KDM7A: variants seen among roughly 807,000 people sequenced by gnomAD.
KDM7A encodes lysine demethylase 7A.
KDM7A carries 28 observed loss-of-function variants against 114.8 expected under a neutral mutation model. That is an observed-to-expected ratio of 0.24 (90% confidence interval 0.18 to 0.33). The LOEUF (loss-of-function observed/expected upper bound fraction) is 0.33, where lower values mean the gene tolerates loss of function less well. KDM7A is among the 10% of genes least tolerant of loss of function. The pLI, the probability that KDM7A is intolerant of heterozygous loss-of-function variation, is 1.00. For missense variants in KDM7A, 942 were observed against 1,142.5 expected (o/e 0.82, Z 2.53); for synonymous variants, 423 against 397.8 (o/e 1.06, Z -0.75).
chr7:140,123,799 C>T (rs999881452), intron 7 of KDM7A, among the ~76,000 whole-genome samples: 3 of 152,164 alleles, frequency 2.0e-5, no homozygotes, highest in Non-Finnish European at 2.9e-5. Flanking sequence ...AATAGTATGC[C>T]GGCCGGGCGT....
chr7:140,101,993 T>C lies in KDM7A; in HGVS notation c.1596A>G (p.Thr532=), dbSNP rs748945105. 5 of 1,613,838 alleles carry C rather than the reference T, an allele frequency of 3.1e-6. No individual in the cohort carries two copies. The Admixed American group carries it at 5.0e-5, about 16-fold the overall frequency. ...TCTCTAATCTTTTGAGGACCTCCCTTGTGTGGAGCTCTAGGATGTCTAGGT... is the reference window on the plus strand; with the variant it reads ...TCTCTAATCTTTTGAGGACCTCCCTCGTGTGGAGCTCTAGGATGTCTAGGT... The part of the protein sequence containing the change: ...PSNLDILELH[T]REVLKRLEMC... The change falls in exon 12 of 20, where the codon ACA becomes ACG. Residue 532 remains threonine, a synonymous_variant. Coordinates refer to ENST00000397560, the MANE Select transcript of KDM7A (RefSeq NM_030647.2).
intron 9 of KDM7A, among the ~76,000 whole-genome samples, chr7:140,115,741 C>T (rs1298471514): frequency 1.3e-5 from 2 of 151,202 alleles, no homozygotes; most frequent in East Asian, 3.9e-4. Flanking sequence ...ACTATTGTCC[C>T]ATGACCCTGC....
chr7:140,118,435 A>G (rs1158155168), intron 9 of KDM7A, among the ~76,000 whole-genome samples: 1 of 150,430 alleles, frequency 6.6e-6, no homozygotes, highest in Non-Finnish European at 1.5e-5. Context: ...TTTTTTTTGG[A>G]GATGGAGTTT....
At chr7:140,171,546 AATATATATTTATTTTTATATATTTATAT>A (rs1794639972) in intron 1 of KDM7A, among the ~76,000 whole-genome samples, 1 of 137,860 alleles carries the variant, frequency 7.3e-6, no homozygotes, top group African/African-American at 2.7e-5. Context: ...TATATTTATA[AATATATATTTATTTTTATATATTTATAT>A]ATATATATTT....
At chr7:140,167,520 A>G (rs1042030936) in intron 1 of KDM7A, among the ~76,000 whole-genome samples, 2 of 152,192 alleles carry the variant, frequency 1.3e-5, no homozygotes, top group African/African-American at 4.8e-5. Context: ...ACTGGGACAA[A>G]TGGACATTTC....
intron 9 of KDM7A, among the ~76,000 whole-genome samples, chr7:140,116,354 CACAA>C (rs1164789576): frequency 6.6e-6 from 1 of 152,078 alleles, no homozygotes; most frequent in African/African-American, 2.4e-5. Flanking sequence ...GGATGAATCT[CACAA>C]ACAATGCTGA....
chr7:140,088,608 GACCAGGAGTC>G lies in KDM7A; in HGVS notation c.*2476_*2485del. On this transcript the variant is annotated 3_prime_UTR_variant, in exon 20 of 20. Transcript: ENST00000397560. The stretch of plus-strand genomic sequence containing the variant: ...TGGCCAGTAATGTTATAAGACGTTT[GACCAGGAGTC>G]ACTGGATCAGTGGCCGAATTTTCAC... 1 of 397,546 alleles carries G rather than the reference GACCAGGAGTC, an allele frequency of 2.5e-6. No individual in the cohort carries two copies. The highest frequency in any genetic ancestry group is 4.4e-6 in the Non-Finnish European group (1 of 225,340). The allele number at this position is 397,546 out of a possible 1,614,324, so 24.6% of individuals were successfully genotyped here.
chr7:140,124,084 AAG>A (rs1433377081), intron 7 of KDM7A, among the ~76,000 whole-genome samples: 1 of 127,500 alleles, frequency 7.8e-6, no homozygotes, highest in African/African-American at 3.0e-5. Context: ...AAAAAAAAAA[AAG>A]TAAGAAAATA....
Position 140,139,126 on chromosome 7 carries a change from C to T in KDM7A, c.259G>A (p.Val87Ile), listed in dbSNP as rs1818914691. 1 of 1,612,078 alleles carries T rather than the reference C, an allele frequency of 6.2e-7. No individual in the cohort carries two copies. The highest frequency in any genetic ancestry group is 1.1e-5 in the South Asian group (1 of 91,006). The change falls in exon 2 of 20, where the codon GTT becomes ATT. Residue 87 changes from valine to isoleucine, a missense_variant. Around this residue, in one of 4 missense-constraint regions of KDM7A, gnomAD observed 318 missense variants for 453.1 expected, o/e 0.70. Transcript: ENST00000397560. Reference sequence around the variant, plus strand: ...TTACTCAAGGAGGAACCATGTAAAACTGCACAGTTGGGACAGTGATACAGG... The same window carrying T: ...TTACTCAAGGAGGAACCATGTAAAATTGCACAGTTGGGACAGTGATACAGG... ...IDLYHCPNCA[V>I]LHGSSLMKKR...
chr7:140,148,322 A>G (rs1260362666), intron 1 of KDM7A, among the ~76,000 whole-genome samples: 1 of 152,136 alleles, frequency 6.6e-6, no homozygotes, highest in Non-Finnish European at 1.5e-5. Flanking sequence ...CCTGTGTTAG[A>G]ATCCCAGCTA....
chr7:140,161,912 T>C (rs1794523828), intron 1 of KDM7A, among the ~76,000 whole-genome samples: 2 of 152,234 alleles, frequency 1.3e-5, no homozygotes, highest in African/African-American at 4.8e-5. Context: ...TCCAGTTTCT[T>C]TGTGAAACAG....
chr7:140,091,817 G>A lies in KDM7A; in HGVS notation c.2718C>T (p.Asn906=), dbSNP rs774327491. Residue 906 remains asparagine, a synonymous_variant, in exon 19 of 20, where the codon AAC becomes AAT. Coordinates refer to ENST00000397560, the MANE Select transcript of KDM7A (RefSeq NM_030647.2). ...TGTGAAAGTTACCTTTTGTTGCCTGGTTGCTGATAGGTGGTGGATTTGATG... is the reference window on the plus strand; with the variant it reads ...TGTGAAAGTTACCTTTTGTTGCCTGATTGCTGATAGGTGGTGGATTTGATG... ...RPASNPPPIS[N]QATKGKRPKK... is the part of the protein sequence containing the mutation. 22 of 1,611,014 alleles carry A rather than the reference G, an allele frequency of 1.4e-5. No homozygotes were observed. The highest frequency in any genetic ancestry group is 1.9e-5 in the Non-Finnish European group (22 of 1,179,278).
At chr7:140,173,718 C>A (rs1794671253) in intron 1 of KDM7A, among the ~76,000 whole-genome samples, 1 of 152,024 alleles carries the variant, frequency 6.6e-6, no homozygotes, top group African/African-American at 2.4e-5. Flanking sequence ...GGGGTCAATT[C>A]TCATGGAAGC....
At chr7:140,168,663 GA>G (rs1794605016) in intron 1 of KDM7A, among the ~76,000 whole-genome samples, 1 of 152,024 alleles carries the variant, frequency 6.6e-6, no homozygotes, top group South Asian at 2.1e-4. Flanking sequence ...AAAGTCAGGT[GA>G]AAAGAATTGA....
chr7:140,099,066 G>A (rs202058407), intron 13 of KDM7A, 33 bp from the exon 14 acceptor site: 127 of 1,542,642 alleles, frequency 8.2e-5, no homozygotes, highest in Non-Finnish European at 1.1e-4. Flanking sequence ...TCAGAATATA[G>A]TGCAAGACTC....
rs1270952536 is a variant in KDM7A, at chr7:140,176,769, T to C, written c.169A>G (p.Ile57Val). 2 of 1,407,568 alleles carry C rather than the reference T, an allele frequency of 1.4e-6. No homozygotes were observed. Among genetic ancestry groups the C allele is most frequent in the Non-Finnish European group, 1.9e-6 (2 of 1,057,680 alleles). 87.2% of individuals were successfully genotyped at this position (1,407,568 alleles called of 1,614,324 possible). ...CTGCCGTGGAACCAGTCCTTGCAGA[T>C]ATCGCACTCGATCATGAAGCGGTTC... ...DVNRFMIECD[I>V]CKDWFHGSCV... is the part of the protein sequence containing the mutation. Residue 57 changes from isoleucine (I) to valine (V), a missense_variant, in exon 1 of 20, where the codon ATC becomes GTC. By Grantham distance (29) the Ile-to-Val change is conservative. This residue lies in a region of KDM7A where 112 missense variants were observed against 96.2 expected (regional missense o/e 1.16). Transcript: ENST00000397560. The surrounding 1 kb of genome is among the most constrained non-coding windows in gnomAD (Gnocchi z 4.4).
chr7:140,098,958 T>C lies in KDM7A; in HGVS notation c.1839A>G (p.Thr613=). 1.2e-6 allele frequency: 2 copies of C among 1,613,824 alleles called. No individual in the cohort carries two copies. The highest frequency in any genetic ancestry group is 1.7e-6 in the Non-Finnish European group (2 of 1,179,744). Residue 613 remains threonine (T), a synonymous_variant, in exon 14 of 20, where the codon ACA becomes ACG. Transcript: ENST00000397560. The part of the protein sequence containing the change: ...DSENEEDKRR[T]KKAKMKIEES... ...CTTCTATCTTCATTTTTGCCTTTTT[T>C]GTCCTTCTTTTATCCTCTTCATTTT...
Position 140,096,673 on chromosome 7 carries a change from C to T in KDM7A, c.2256G>A (p.Arg752=). The change falls in exon 17 of 20, where the codon AGG becomes AGA. Residue 752 remains arginine (R), a synonymous_variant. Coordinates refer to ENST00000397560, the MANE Select transcript of KDM7A (RefSeq NM_030647.2). ...CACTGCAGTCTGTGCTTTGTATTTGCCTTTGTAAACACGTGGAATAGTGCA... is the reference window on the plus strand; with the variant it reads ...CACTGCAGTCTGTGCTTTGTATTTGTCTTTGTAAACACGTGGAATAGTGCA... ...AGLHYSTCLQ[R]QIQSTDCSGE... 1.9e-6 allele frequency: 3 copies of T among 1,614,096 alleles called. No individual in the cohort carries two copies. The highest frequency in any genetic ancestry group is 1.1e-5 in the South Asian group (1 of 91,078).
chr7:140,167,005 T>C (rs1458045617), intron 1 of KDM7A, among the ~76,000 whole-genome samples: 1 of 152,164 alleles, frequency 6.6e-6, no homozygotes, highest in African/African-American at 2.4e-5. Flanking sequence ...AAATCTCATT[T>C]ATAATACTAA....
Sources: allele counts gnomAD v4.1 joint callset (sites outside exome capture counted in the v4.1 genomes callset), GRCh38; gene constraint gnomAD v4.1.1; regional missense constraint gnomAD v4.1.1; non-coding constraint Gnocchi (gnomAD v3.1); transcripts MANE v1.5; gene names NCBI Gene and HGNC (gene_info 2026-07-23, HGNC 2026-07-21).